Variants in SRGAP2C observed in about 807,000 individuals in gnomAD.
The protein encoded by SRGAP2C is SLIT-ROBO Rho GTPase-activating protein 2C.
Under a neutral mutation model 25.1 loss-of-function variants are expected in SRGAP2C, and 15 were observed. The observed-to-expected ratio is 0.60, with a 90% confidence interval of 0.40 to 0.92. The LOEUF (loss-of-function observed/expected upper bound fraction) is 0.92, where lower values mean the gene tolerates loss of function less well. Ranked by LOEUF, SRGAP2C falls within the 40% of genes least tolerant of loss-of-function variation. The probability of loss-of-function intolerance (pLI) is 0.00; values close to 1 mark genes in which losing one functional copy is unlikely to be tolerated. For synonymous variants in SRGAP2C, 44 were observed against 96.6 expected (o/e 0.46, Z 3.19); for missense variants, 144 against 264.4 (o/e 0.54, Z 3.16).
chr1:121,281,352 C>T (rs1468417740), intron 2 of SRGAP2C, among the ~76,000 whole-genome samples: 3 of 151,656 alleles, frequency 2.0e-5, no homozygotes, highest in Non-Finnish European at 4.4e-5. Flanking sequence ...TCTTCATTCT[C>T]TTTCTTCTTT....
chr1:121,259,485 A>AC (rs1553333086), intron 2 of SRGAP2C, among the ~76,000 whole-genome samples: 1 of 119,856 alleles, frequency 8.3e-6, no homozygotes. Context: ...CTCAAAAAAA[A>AC]AAAGAGAAGA....
intron 2 of SRGAP2C, among the ~76,000 whole-genome samples, chr1:121,271,104 T>C (rs1345206903): frequency 6.8e-6 from 1 of 147,394 alleles, no homozygotes; most frequent in African/African-American, 2.5e-5. Flanking sequence ...GCTGGACTGT[T>C]TTTTTTTTTG....
At chr1:121,321,854 A>G (rs1401602158) in intron 3 of SRGAP2C, among the ~76,000 whole-genome samples, 4 of 152,278 alleles carry the variant, frequency 2.6e-5, no homozygotes, top group East Asian at 1.9e-4. Context: ...ATCCTTTCCC[A>G]TGGTGTTAGG....
At position 121,374,054 on chromosome 1, in the gene SRGAP2C, G is replaced by A. The variant is rs201668796; in HGVS notation, c.570G>A (p.Lys190=). 2.3e-4 allele frequency: 120 copies of A among 519,914 alleles called. 32 individuals carry two copies. Among genetic ancestry groups the A allele is most frequent in the Non-Finnish European group, 3.6e-4 (104 of 290,598 alleles). The allele number at this position is 519,914 out of a possible 1,614,324, so 32.2% of individuals were successfully genotyped here. The change falls in exon 6 of 10, where the codon AAG becomes AAA. Residue 190 remains lysine, a synonymous_variant. Transcript: ENST00000367123. The part of the protein sequence containing the change: ...KLKEAEKQEE[K]QIGKSVKQED... Reference sequence around the variant, plus strand: ...AGGAGGCGGAGAAGCAGGAGGAGAAGCAAATTGGTAAATCGGTAAAGCAGG... The same window carrying A: ...AGGAGGCGGAGAAGCAGGAGGAGAAACAAATTGGTAAATCGGTAAAGCAGG...
intron 7 of SRGAP2C, 84 bp from the exon 8 acceptor site, chr1:121,382,615 TCA>T (rs1659848636): frequency 1.7e-6 from 1 of 575,454 alleles, no homozygotes; most frequent in East Asian, 3.0e-5. Context: ...ATTGATGTGG[TCA>T]GATCTGCCCT....
At chr1:121,375,746 C>A (rs1161361898) in intron 7 of SRGAP2C, among the ~76,000 whole-genome samples, 3 of 151,766 alleles carry the variant, frequency 2.0e-5, no homozygotes, top group Admixed American at 1.3e-4. Flanking sequence ...TTTAAGGTTT[C>A]TCGGTGTTAA....
Position 121,374,977 on chromosome 1 carries a change from C to T in SRGAP2C, c.831+23C>T, listed in dbSNP as rs1558134625. On this transcript the variant is annotated intron_variant, in intron 7 of 9. Transcript: ENST00000367123. ...GATGTAAGTGCTTAAAGCCAAGGGC[C>T]TGAGGGCCCCTCTTTTCTGGTTTCA... is the stretch of plus-strand genomic sequence containing the variant. 4 of 771,588 alleles carry T rather than the reference C, an allele frequency of 5.2e-6. No homozygotes were observed. The South Asian group carries it at 5.5e-5, about 11-fold the overall frequency. 47.8% of individuals were successfully genotyped at this position (771,588 alleles called of 1,614,324 possible). A position where few individuals can be genotyped will look rare whatever the true frequency, so the allele number is the denominator to read the frequency against.
intron 3 of SRGAP2C, among the ~76,000 whole-genome samples, chr1:121,295,319 G>T (rs1657572029): frequency 6.6e-6 from 1 of 151,624 alleles, no homozygotes; most frequent in Non-Finnish European, 1.5e-5. Context: ...GTTTAAATAG[G>T]TATGAATTCT....
chr1:121,328,905 A>C (rs1442061043), intron 4 of SRGAP2C, among the ~76,000 whole-genome samples: 2 of 111,356 alleles, frequency 1.8e-5, no homozygotes, highest in African/African-American at 6.4e-5. Context: ...AAAAAAAAAA[A>C]CAAAAAACAA....
At chr1:121,239,411 G>A (rs1242670797) in intron 2 of SRGAP2C, among the ~76,000 whole-genome samples, 1 of 79,350 alleles carries the variant, frequency 1.3e-5, no homozygotes, top group African/African-American at 5.4e-5. Flanking sequence ...TAATGGGAAT[G>A]GGCAGTGAAG....
intron 3 of SRGAP2C, among the ~76,000 whole-genome samples, chr1:121,305,678 A>C: frequency 1.4e-5 from 1 of 73,572 alleles, no homozygotes; most frequent in East Asian, 3.4e-4. Context: ...CTTAAGTTCA[A>C]AAACAGATGG....
At chr1:121,359,565 T>G (rs1246128516) in intron 4 of SRGAP2C, among the ~76,000 whole-genome samples, 1 of 152,186 alleles carries the variant, frequency 6.6e-6, no homozygotes, top group African/African-American at 2.4e-5. Flanking sequence ...GCCAGGAGTT[T>G]GAGACCAGCC....
At chr1:121,308,956 AG>A (rs1657913804) in intron 3 of SRGAP2C, among the ~76,000 whole-genome samples, 3 of 91,820 alleles carry the variant, frequency 3.3e-5, no homozygotes, top group South Asian at 4.0e-4. Flanking sequence ...AAAAAAAAAA[AG>A]GAAGTGTTCC....
intron 2 of SRGAP2C, among the ~76,000 whole-genome samples, chr1:121,188,207 A>G (rs1654572228): frequency 6.6e-6 from 1 of 152,200 alleles, no homozygotes; most frequent in Non-Finnish European, 1.5e-5. Context: ...ATGGGAAGAC[A>G]TAATTGTTTA....
chr1:121,377,887 A>G (rs1381851741), intron 7 of SRGAP2C, among the ~76,000 whole-genome samples: 1 of 150,548 alleles, frequency 6.6e-6, no homozygotes, highest in Non-Finnish European at 1.5e-5. Flanking sequence ...TCACATTGGT[A>G]AGATTATGTG....
chr1:121,309,624 C>A (rs1205516841), intron 3 of SRGAP2C, among the ~76,000 whole-genome samples: 3 of 149,536 alleles, frequency 2.0e-5, no homozygotes, highest in Non-Finnish European at 4.4e-5. Flanking sequence ...CTTCCTGTGT[C>A]CATGTGATCT....
Position 121,365,151 on chromosome 1 carries a change from G to C in SRGAP2C, c.424-142G>C, listed in dbSNP as rs587611078. On this transcript the variant is annotated intron_variant, in intron 4 of 9. Transcript: ENST00000367123. ...ATCTGACCATAATTGGGTCTGATTG[G>C]AGTGGTTATCTGATTTGCTGGGTTA... 151 of 340,982 alleles carry C rather than the reference G, an allele frequency of 4.4e-4. 46 individuals are homozygous for C. Among genetic ancestry groups the C allele is most frequent in the South Asian group, 4.0e-3 (148 of 36,926 alleles). The allele number at this position is 340,982 out of a possible 1,614,324, so 21.1% of individuals were successfully genotyped here.
chr1:121,236,555 G>T (rs1553328703), intron 2 of SRGAP2C, among the ~76,000 whole-genome samples: 1 of 152,086 alleles, frequency 6.6e-6, no homozygotes, highest in African/African-American at 2.4e-5. Flanking sequence ...TGTTCTACCA[G>T]CATTCCATTT....
chr1:121,368,392 A>G (rs2101654813), intron 5 of SRGAP2C, among the ~76,000 whole-genome samples: 1 of 129,682 alleles, frequency 7.7e-6, no homozygotes, highest in East Asian at 2.5e-4. Flanking sequence ...GGGACAGAGC[A>G]AGACTCTGTC....
Sources: gnomAD v4.1 joint callset for allele counts (sites outside exome capture counted in the v4.1 genomes callset) on GRCh38, gnomAD v4.1.1 for gene constraint, MANE v1.5 for transcripts, NCBI Gene and HGNC (gene_info 2026-07-23, HGNC 2026-07-21) for gene names.